ANO4: variants seen among roughly 807,000 people sequenced by gnomAD.
The protein encoded by ANO4 is anoctamin-4.
A neutral mutation model predicts 141.9 loss-of-function variants in ANO4; 69 were observed. The ratio of observed to expected loss-of-function variants is 0.49; its 90% CI spans 0.40 to 0.59. The LOEUF is 0.59. Among genes scored for constraint, ANO4 ranks in the 20% least tolerant of loss-of-function variants. The pLI is 0.00. For synonymous variants in ANO4, 350 were observed against 394.3 expected (o/e 0.89, Z 1.33); for missense variants, 894 against 1,162.2 (o/e 0.77, Z 3.36).
At position 100,953,690 on chromosome 12, in the gene ANO4, A is replaced by G. The variant is rs533825591; in HGVS notation, c.456+11155A>G. Among the ~76,000 whole-genome samples the G allele has an allele frequency of 1.6e-4, 24 of 152,346 alleles. No homozygotes were observed. The South Asian group carries it at 5.0e-3, about 32-fold the overall frequency. ...AATACTGGGAAGGAGTCACTATTTC[A>G]TTTCAGGAGTTCAAGAAAAATCTCT... On this transcript the variant is annotated intron_variant, in intron 5 of 27. Coordinates refer to ENST00000392977, the MANE Select transcript of ANO4 (RefSeq NM_001286615.2).
chr12:101,045,042 T>C (rs1333913823), intron 13 of ANO4, among the ~76,000 whole-genome samples: 2 of 152,186 alleles, frequency 1.3e-5, no homozygotes, highest in Non-Finnish European at 2.9e-5. Context: ...AAAATTCTCT[T>C]TTTAGGAGAT....
At chr12:101,012,496 G>T (rs900360730) in intron 8 of ANO4, among the ~76,000 whole-genome samples, 1 of 152,144 alleles carries the variant, frequency 6.6e-6, no homozygotes, top group Admixed American at 6.6e-5. Context: ...TCTAAGAAAA[G>T]CATGATCAAA....
At chr12:100,941,032 A>G (rs1467691642) in intron 4 of ANO4, among the ~76,000 whole-genome samples, 1 of 152,192 alleles carries the variant, frequency 6.6e-6, no homozygotes, top group African/African-American at 2.4e-5. Flanking sequence ...TATTTTTCAA[A>G]TTATAGTGAC....
chr12:101,059,341 T>C (rs1049300158), intron 14 of ANO4, among the ~76,000 whole-genome samples: 1 of 152,246 alleles, frequency 6.6e-6, no homozygotes, highest in African/African-American at 2.4e-5. Flanking sequence ...GTTGTGTCTC[T>C]GCTAGGTTTT....
chr12:100,955,129 A>C (rs80250960), intron 5 of ANO4, among the ~76,000 whole-genome samples: 12,702 of 152,284 alleles, frequency 0.083, 708 homozygotes, highest in African/African-American at 0.14. Context: ...GCACTGGAGA[A>C]TAAAAAATAA....
At chr12:100,802,999 G>A (rs533215292) in intron 1 of ANO4, among the ~76,000 whole-genome samples, 1 of 152,194 alleles carries the variant, frequency 6.6e-6, no homozygotes, top group African/African-American at 2.4e-5. Context: ...TGAAATAATT[G>A]GAGTACTGTG....
At chr12:100,858,467 A>AT (rs2038299221) in intron 1 of ANO4, among the ~76,000 whole-genome samples, 1 of 152,166 alleles carries the variant, frequency 6.6e-6, no homozygotes, top group Non-Finnish European at 1.5e-5. Flanking sequence ...AAGATTGGCA[A>AT]TATCTATATG....
intron 2 of ANO4, among the ~76,000 whole-genome samples, chr12:100,914,948 G>A (rs1477575269): frequency 1.3e-5 from 2 of 152,076 alleles, no homozygotes; most frequent in African/African-American, 2.4e-5. Context: ...CCAAGTAGAC[G>A]TGATTACAGG....
intron 3 of ANO4, among the ~76,000 whole-genome samples, chr12:100,750,028 T>G (rs1435518843): frequency 6.6e-6 from 1 of 152,204 alleles, no homozygotes. Context: ...ATTCTCAAAC[T>G]TTAGTGTCAA....
chr12:100,776,790 C>T (rs563892621), intron 3 of ANO4, among the ~76,000 whole-genome samples: 3 of 152,322 alleles, frequency 2.0e-5, no homozygotes, highest in Admixed American at 6.5e-5. Flanking sequence ...TTTACAAAGA[C>T]TTCCTTCTCT....
At chr12:101,014,433 G>T (rs1358771074) in intron 8 of ANO4, among the ~76,000 whole-genome samples, 1 of 152,218 alleles carries the variant, frequency 6.6e-6, no homozygotes, top group East Asian at 1.9e-4. Context: ...AGGAGAGTCA[G>T]TGGGAAGTTC....
chr12:101,061,785 T>A (rs934259463), intron 14 of ANO4, among the ~76,000 whole-genome samples: 2 of 151,992 alleles, frequency 1.3e-5, no homozygotes, highest in Admixed American at 1.3e-4. Flanking sequence ...TCCTCTAACC[T>A]TTTTTCAAGG....
chr12:101,026,444 T>C (rs956658273), intron 9 of ANO4, among the ~76,000 whole-genome samples: 1 of 152,036 alleles, frequency 6.6e-6, no homozygotes, highest in Non-Finnish European at 1.5e-5. Flanking sequence ...TGTTAAGAGG[T>C]CAGTCTTAAC....
intron 8 of ANO4, among the ~76,000 whole-genome samples, chr12:101,014,512 A>G (rs1426067949): frequency 1.3e-5 from 2 of 152,172 alleles, no homozygotes; most frequent in Non-Finnish European, 2.9e-5. Flanking sequence ...TGATGGAGAT[A>G]TGCAGAAAGC....
At chr12:100,871,917 G>A (rs946213788) in intron 1 of ANO4, among the ~76,000 whole-genome samples, 38 of 152,008 alleles carry the variant, frequency 2.5e-4, no homozygotes, top group African/African-American at 8.5e-4. Context: ...AATTTTGGAG[G>A]GTCATAAACA....
intron 1 of ANO4, among the ~76,000 whole-genome samples, chr12:100,888,181 C>G (rs908841743): frequency 2.0e-5 from 3 of 152,124 alleles, no homozygotes; most frequent in African/African-American, 7.2e-5. Flanking sequence ...GAGAACCTTA[C>G]AAGGAGGTTT....
intron 1 of ANO4, among the ~76,000 whole-genome samples, chr12:100,795,958 C>T (rs1178279444): frequency 1.3e-5 from 2 of 151,790 alleles, no homozygotes; most frequent in Admixed American, 6.6e-5. Context: ...TTACTGGCAG[C>T]TTCTTGACGC....
intron 3 of ANO4, among the ~76,000 whole-genome samples, chr12:100,923,081 A>T (rs768342791): frequency 6.6e-6 from 1 of 152,134 alleles, no homozygotes; most frequent in Non-Finnish European, 1.5e-5. Context: ...AGAACATTGT[A>T]TAAACAACCA....
chr12:100,843,161 C>T (rs769602607), intron 1 of ANO4, among the ~76,000 whole-genome samples: 5 of 152,094 alleles, frequency 3.3e-5, no homozygotes, highest in Non-Finnish European at 7.4e-5. Context: ...TGGCTGTAGG[C>T]AAATTGTTAT....
Sources: gnomAD v4.1 joint callset for allele counts (sites outside exome capture counted in the v4.1 genomes callset) on GRCh38, gnomAD v4.1.1 for gene constraint, MANE v1.5 for transcripts, NCBI Gene and HGNC (gene_info 2026-07-23, HGNC 2026-07-21) for gene names.